CCNY: variants seen among roughly 807,000 people sequenced by gnomAD.
CCNY encodes the protein cyclin-Y.
Under a neutral mutation model 42.8 loss-of-function variants are expected in CCNY, and 19 were observed. That is an observed-to-expected ratio of 0.44 (90% CI 0.31 to 0.65). The LOEUF is 0.65. Ranked by LOEUF, CCNY falls within the 30% of genes least tolerant of loss-of-function variation. CCNY has a pLI of 0.07. For missense variants in CCNY, 370 were observed against 437.3 expected, an observed-to-expected ratio of 0.85 and a Z score of 1.37; for synonymous variants, 165 against 162.7, an observed-to-expected ratio of 1.01 and a Z score of -0.11.
At chr10:35,268,879 G>T (rs2095728251) in intron 3 of CCNY, among the ~76,000 whole-genome samples, 1 of 152,144 alleles carries the variant, frequency 6.6e-6, no homozygotes. Flanking sequence ...CGGTCTCAAG[G>T]GCTCCTGGGG....
intron 3 of CCNY, among the ~76,000 whole-genome samples, chr10:35,305,194 G>T (rs1835592373): frequency 1.3e-5 from 2 of 152,194 alleles, no homozygotes; most frequent in South Asian, 2.1e-4. Context: ...AATACCAAAA[G>T]TAAGCGTGCT....
At chr10:35,381,860 A>G (rs1023803563) in intron 1 of CCNY, among the ~76,000 whole-genome samples, 2 of 152,244 alleles carry the variant, frequency 1.3e-5, no homozygotes, top group African/African-American at 2.4e-5. Flanking sequence ...AAGAGTCCTT[A>G]AAAATTACAA....
chr10:35,269,587 G>A (rs1429588141), intron 3 of CCNY, among the ~76,000 whole-genome samples: 1 of 149,436 alleles, frequency 6.7e-6, no homozygotes, highest in Non-Finnish European at 1.5e-5. Flanking sequence ...TTACAGGCAT[G>A]AGCCGCTGTG....
chr10:35,471,246 G>T, intron 1 of CCNY, among the ~76,000 whole-genome samples: 1 of 152,142 alleles, frequency 6.6e-6, no homozygotes. Flanking sequence ...GCAGAGAAAG[G>T]GGGATGCGAG....
At chr10:35,435,370 G>T (rs934246236) in intron 1 of CCNY, among the ~76,000 whole-genome samples, 4 of 152,150 alleles carry the variant, frequency 2.6e-5, no homozygotes, top group African/African-American at 9.7e-5. Flanking sequence ...GTACATAAAG[G>T]CCCCTTGTAA....
chr10:35,563,945 T>G (rs1185880271), intron 8 of CCNY, among the ~76,000 whole-genome samples: 1 of 151,546 alleles, frequency 6.6e-6, no homozygotes, highest in Non-Finnish European at 1.5e-5. Context: ...GGCGCAATCT[T>G]GGCTCGCTTC....
intron 7 of CCNY, among the ~76,000 whole-genome samples, chr10:35,549,799 G>A (rs55805449): frequency 0.034 from 1,483 of 43,116 alleles, no homozygotes; most frequent in East Asian, 0.047. Flanking sequence ...TACAGTGCTC[G>A]TGACCCTGCG....
intron 1 of CCNY, among the ~76,000 whole-genome samples, chr10:35,470,069 A>T (rs896849666): frequency 6.9e-6 from 1 of 145,496 alleles, no homozygotes; most frequent in African/African-American, 2.6e-5. Context: ...GACAGATGAG[A>T]TAGGGCAATG....
chr10:35,449,787 C>T, intron 1 of CCNY: 2 of 985,290 alleles, frequency 2.0e-6, no homozygotes, highest in Non-Finnish European at 2.4e-6. Flanking sequence ...TTCTCCTGGC[C>T]TCTGTCTTCT....
intron 1 of CCNY, among the ~76,000 whole-genome samples, chr10:35,402,996 C>T (rs1192824971): frequency 2.0e-5 from 3 of 152,146 alleles, no homozygotes; most frequent in Non-Finnish European, 2.9e-5. Context: ...GGAAAGGTCT[C>T]TACCCATCTA....
intron 3 of CCNY, among the ~76,000 whole-genome samples, chr10:35,505,925 A>G (rs192136463): frequency 6.6e-6 from 1 of 152,184 alleles, no homozygotes; most frequent in Non-Finnish European, 1.5e-5. Context: ...TTCAGTTCCA[A>G]ATCAGTTTCT....
intron 1 of CCNY, among the ~76,000 whole-genome samples, chr10:35,447,109 C>G (rs1838808710): frequency 6.6e-6 from 1 of 152,172 alleles, no homozygotes; most frequent in Admixed American, 6.5e-5. Context: ...AACCCCGTCT[C>G]TACTAAAAGT....
intron 1 of CCNY, among the ~76,000 whole-genome samples, chr10:35,419,997 A>C (rs1230995603): frequency 7.4e-6 from 1 of 135,782 alleles, no homozygotes; most frequent in Non-Finnish European, 1.6e-5. Context: ...TTTCTTTCTT[A>C]TCTAGTTTTT....
At chr10:35,449,484 TGGAGCACGCA>T (rs1377117058) in intron 1 of CCNY, among the ~76,000 whole-genome samples, 2 of 151,894 alleles carry the variant, frequency 1.3e-5, no homozygotes, top group Admixed American at 1.3e-4. Context: ...GAGGAGGAAC[TGGAGCACGCA>T]GGAGCCTGGC....
At chr10:35,343,382 CTTT>C (rs9299720) in intron 1 of CCNY, among the ~76,000 whole-genome samples, 2 of 85,902 alleles carry the variant, frequency 2.3e-5, no homozygotes, top group East Asian at 4.0e-4. Flanking sequence ...AGCTGATGGT[CTTT>C]TTTTTTTTTT....
chr10:35,290,886 C>T (rs1012019134), intron 3 of CCNY, among the ~76,000 whole-genome samples: 4 of 152,210 alleles, frequency 2.6e-5, no homozygotes, highest in Non-Finnish European at 5.9e-5. Context: ...AAACTCCCTA[C>T]TCATTAACAG....
chr10:35,349,224 C>A (rs963060915), intron 1 of CCNY, among the ~76,000 whole-genome samples: 90 of 152,160 alleles, frequency 5.9e-4, no homozygotes, highest in African/African-American at 2.1e-3. Flanking sequence ...GGAAGGAGAG[C>A]TCAGCAGGTG....
intron 1 of CCNY, among the ~76,000 whole-genome samples, chr10:35,372,964 C>G (rs1836971203): frequency 6.6e-6 from 1 of 152,188 alleles, no homozygotes; most frequent in Admixed American, 6.5e-5. Flanking sequence ...TCCCAAAGTG[C>G]TGGGATTATA....
intron 1 of CCNY, among the ~76,000 whole-genome samples, chr10:35,421,287 A>C (rs972367341): frequency 6.6e-6 from 1 of 152,156 alleles, no homozygotes; most frequent in African/African-American, 2.4e-5. Context: ...TCTCTTCCAC[A>C]TGAGCTCCCG....
Sources: gnomAD v4.1 joint callset for allele counts (sites outside exome capture counted in the v4.1 genomes callset) on GRCh38, gnomAD v4.1.1 for gene constraint, MANE v1.5 for transcripts, NCBI Gene and HGNC (gene_info 2026-07-23, HGNC 2026-07-21) for gene names.